The following SH3RF1 variants were observed in gnomAD, a reference collection of about 807,000 sequenced individuals.
The protein encoded by SH3RF1 is SH3 domain containing ring finger 1.
SH3RF1 carries 32 observed loss-of-function variants against 74.0 expected under a neutral mutation model. The ratio of observed to expected loss-of-function variants is 0.43; its 90% CI spans 0.33 to 0.58. The LOEUF is 0.58. SH3RF1 is among the 20% of genes least tolerant of loss of function. The pLI is 0.05. For synonymous variants in SH3RF1, 396 were observed against 439.6 expected (o/e 0.90, Z 1.24); for missense variants, 954 against 1,130.9 (o/e 0.84, Z 2.24).
chr4:169,167,468 C>T (rs774856478), intron 2 of SH3RF1, among the ~76,000 whole-genome samples: 1 of 152,160 alleles, frequency 6.6e-6, no homozygotes, highest in Non-Finnish European at 1.5e-5. Context: ...CGAAAACATA[C>T]ATCCACACCC....
chr4:169,171,946 T>C (rs1399705092), intron 2 of SH3RF1, among the ~76,000 whole-genome samples: 2 of 152,250 alleles, frequency 1.3e-5, no homozygotes, highest in Non-Finnish European at 2.9e-5. Flanking sequence ...ATCATGTTTA[T>C]ATAATCATAA....
intron 4 of SH3RF1, among the ~76,000 whole-genome samples, chr4:169,141,209 T>C (rs1233242182): frequency 6.6e-6 from 1 of 152,194 alleles, no homozygotes; most frequent in Non-Finnish European, 1.5e-5. Flanking sequence ...ATTTAAAACA[T>C]ATCCTTCATT....
At chr4:169,236,410 G>A (rs532207417) in intron 2 of SH3RF1, among the ~76,000 whole-genome samples, 4 of 152,246 alleles carry the variant, frequency 2.6e-5, no homozygotes, top group African/African-American at 4.8e-5. Flanking sequence ...TCCACACAAC[G>A]TATACCTTGA....
At chr4:169,213,510 A>G (rs1730413684) in intron 2 of SH3RF1, among the ~76,000 whole-genome samples, 1 of 152,192 alleles carries the variant, frequency 6.6e-6, no homozygotes, top group Non-Finnish European at 1.5e-5. Flanking sequence ...TCTTTTGCAG[A>G]GCAGAGTTTT....
intron 2 of SH3RF1, among the ~76,000 whole-genome samples, chr4:169,175,544 T>C (rs1463450439): frequency 1.3e-5 from 2 of 152,210 alleles, no homozygotes; most frequent in African/African-American, 4.8e-5. Flanking sequence ...CTAATCATCA[T>C]TCAGGTCTCT....
chr4:169,128,784 T>A (rs1299160126), intron 6 of SH3RF1, among the ~76,000 whole-genome samples: 2 of 152,166 alleles, frequency 1.3e-5, no homozygotes, highest in East Asian at 3.8e-4. Flanking sequence ...CTTTACAACA[T>A]GTATAAAACC....
intron 6 of SH3RF1, among the ~76,000 whole-genome samples, chr4:169,129,238 A>G (rs776438074): frequency 6.6e-6 from 1 of 152,248 alleles, no homozygotes; most frequent in Non-Finnish European, 1.5e-5. Flanking sequence ...GAGCAAATAG[A>G]AAATATAAGC....
chr4:169,181,168 T>A (rs1734503987), intron 2 of SH3RF1, among the ~76,000 whole-genome samples: 1 of 151,620 alleles, frequency 6.6e-6, no homozygotes, highest in South Asian at 2.1e-4. Flanking sequence ...GTTTTTCTCC[T>A]CCCTTATTTG....
chr4:169,260,343 G>A (rs1282818612), intron 2 of SH3RF1, among the ~76,000 whole-genome samples: 1 of 152,264 alleles, frequency 6.6e-6, no homozygotes, highest in African/African-American at 2.4e-5. Context: ...GAGAAGGACT[G>A]CTTTCCTGCT....
chr4:169,165,640 G>GT (rs1016228783), intron 2 of SH3RF1, among the ~76,000 whole-genome samples: 3 of 132,464 alleles, frequency 2.3e-5, no homozygotes, highest in East Asian at 4.3e-4. Flanking sequence ...AAAAAGGCGG[G>GT]GGGGGGAGTC....
chr4:169,229,413 G>A (rs1381427680), intron 2 of SH3RF1, among the ~76,000 whole-genome samples: 2 of 147,562 alleles, frequency 1.4e-5, no homozygotes, highest in Non-Finnish European at 1.5e-5. Context: ...CTTTTTTTTT[G>A]TGTCCCAAAT....
chr4:169,161,866 TG>T (rs1734153552), intron 2 of SH3RF1, among the ~76,000 whole-genome samples: 1 of 152,048 alleles, frequency 6.6e-6, no homozygotes, highest in Admixed American at 6.6e-5. Context: ...GAAAAATGGG[TG>T]GAAGAAACAA....
Position 169,136,638 on chromosome 4 carries a change from A to T in SH3RF1, c.766-18T>A. 1 of 1,479,454 alleles carries T rather than the reference A, an allele frequency of 6.8e-7. No individual in the cohort carries two copies. Among genetic ancestry groups the T allele is most frequent in the Non-Finnish European group, 9.0e-7 (1 of 1,112,748 alleles). The allele number at this position is 1,479,454 out of a possible 1,614,324, so 91.6% of individuals were successfully genotyped here. On this transcript the variant is annotated intron_variant, in intron 4 of 11. Transcript: ENST00000284637. ...GAGTTAAACTGCAAAAGCAACCAAC[A>T]AACCAACACAAGAAGGTTAAACAAT...
At chr4:169,187,534 GT>G (rs1440595921) in intron 2 of SH3RF1, among the ~76,000 whole-genome samples, 3 of 132,022 alleles carry the variant, frequency 2.3e-5, no homozygotes, top group Non-Finnish European at 3.1e-5. Flanking sequence ...GTGTGTGTGT[GT>G]GTGTGTGTGT....
At chr4:169,186,392 C>T (rs1490687490) in intron 2 of SH3RF1, among the ~76,000 whole-genome samples, 2 of 152,070 alleles carry the variant, frequency 1.3e-5, no homozygotes, top group Non-Finnish European at 2.9e-5. Flanking sequence ...AGGTATCCCA[C>T]TTTATAAAAC....
chr4:169,231,026 G>A (rs2706733), intron 2 of SH3RF1, among the ~76,000 whole-genome samples: 70,871 of 152,008 alleles, frequency 0.47, 17,786 homozygotes, highest in East Asian at 0.78. Flanking sequence ...AAAGGCCACC[G>A]GTGCTAGGGC....
chr4:169,136,260 G>T, intron 5 of SH3RF1, 58 bp downstream of exon 5: 2 of 1,349,294 alleles, frequency 1.5e-6, no homozygotes, highest in Non-Finnish European at 9.6e-7. Flanking sequence ...AAACATGTTT[G>T]TAAGTTGATC....
At chr4:169,154,993 G>A (rs1321212395) in intron 4 of SH3RF1, among the ~76,000 whole-genome samples, 1 of 152,200 alleles carries the variant, frequency 6.6e-6, no homozygotes, top group Non-Finnish European at 1.5e-5. Context: ...GGGCTAAGTA[G>A]TTGCTGGGAT....
intron 2 of SH3RF1, among the ~76,000 whole-genome samples, chr4:169,266,171 C>T (rs868040052): frequency 5.9e-5 from 9 of 152,308 alleles, no homozygotes; most frequent in African/African-American, 1.9e-4. Flanking sequence ...ACAAGATGTG[C>T]GTCACACATT....
Sources: gnomAD v4.1 joint callset for allele counts (sites outside exome capture counted in the v4.1 genomes callset) on GRCh38, gnomAD v4.1.1 for gene constraint, MANE v1.5 for transcripts, NCBI Gene and HGNC (gene_info 2026-07-23, HGNC 2026-07-21) for gene names.